The following DNAI7 variants were observed in gnomAD, a reference collection of about 807,000 sequenced individuals.
DNAI7 encodes the protein cancer susceptibility 1.
Under a neutral mutation model 86.6 loss-of-function variants are expected in DNAI7, and 78 were observed. The ratio of observed to expected loss-of-function variants is 0.90; its 90% CI spans 0.75 to 1.09. The LOEUF is 1.09. DNAI7 is among the 50% of genes least tolerant of loss of function. The pLI, the probability that DNAI7 is intolerant of heterozygous loss-of-function variation, is 0.00. For missense variants in DNAI7, 753 were observed against 810.2 expected (o/e 0.93, Z 0.86); for synonymous variants, 274 against 273.0 (o/e 1.00, Z -0.04).
intron 10 of DNAI7, among the ~76,000 whole-genome samples, chr12:25,122,142 GA>G (rs1285497619): frequency 6.6e-6 from 1 of 152,096 alleles, no homozygotes; most frequent in East Asian, 1.9e-4. Context: ...TTTCATCTAT[GA>G]AACCATACAA....
At chr12:25,176,435 A>G (rs1242161008) in intron 2 of DNAI7, among the ~76,000 whole-genome samples, 1 of 152,144 alleles carries the variant, frequency 6.6e-6, no homozygotes, top group Non-Finnish European at 1.5e-5. Context: ...CATAAAAACT[A>G]AAATTTTCCT....
intron 1 of DNAI7, among the ~76,000 whole-genome samples, chr12:25,193,115 C>T (rs1037313805): frequency 4.7e-5 from 7 of 150,276 alleles, no homozygotes; most frequent in African/African-American, 1.7e-4. Flanking sequence ...CACTGCATTG[C>T]AGCCTAGGTG....
intron 2 of DNAI7, among the ~76,000 whole-genome samples, chr12:25,162,261 G>A (rs1183574716): frequency 6.6e-6 from 1 of 152,174 alleles, no homozygotes; most frequent in Non-Finnish European, 1.5e-5. Flanking sequence ...GAGGCAAGGA[G>A]AGGAAAGAGG....
At position 25,117,820 on chromosome 12, in the gene DNAI7, C is replaced by T. The variant is rs999492927; in HGVS notation, c.1396+1325G>A. On this transcript the variant is annotated intron_variant, in intron 12 of 15. Transcript: ENST00000395987. ...CCAATACTTGTGTACAATTTATAAACGATTAACATTAAAGTAATCAAATAC... is the reference window on the plus strand; with the variant it reads ...CCAATACTTGTGTACAATTTATAAATGATTAACATTAAAGTAATCAAATAC... Among the ~76,000 whole-genome samples the T allele has an allele frequency of 4.6e-5, 7 of 151,868 alleles. No homozygotes were observed. In the East Asian group the frequency reaches 9.6e-4, roughly 21 times the overall value.
At chr12:25,135,388 G>A (rs1426619130) in intron 9 of DNAI7, among the ~76,000 whole-genome samples, 1 of 152,168 alleles carries the variant, frequency 6.6e-6, no homozygotes, top group Non-Finnish European at 1.5e-5. Context: ...GCTGCCAGTG[G>A]AATTGGGGAA....
In DNAI7 at chr12:25,144,468, T is replaced by C; in HGVS notation, c.899A>G (p.Lys300Arg). The change falls in exon 9 of 16, where the codon AAG becomes AGG. Residue 300 changes from lysine (K) to arginine (R), a missense_variant. Transcript: ENST00000395987. The part of the protein sequence containing the change: ...DVKNVEKAIS[K>R]EVEEESKQQE... The stretch of plus-strand genomic sequence containing the variant: ...TTGTTTGGACTCTTCTTCGACCTCC[T>C]TGCTGATTGCTTTTTCTACATTCTT... 2 of 1,614,190 alleles carry C rather than the reference T, an allele frequency of 1.2e-6. No individual in the cohort carries two copies. The highest frequency in any genetic ancestry group is 1.7e-6 in the Non-Finnish European group (2 of 1,180,010).
At chr12:25,179,255 C>A (rs1949272694) in intron 2 of DNAI7, among the ~76,000 whole-genome samples, 1 of 152,072 alleles carries the variant, frequency 6.6e-6, no homozygotes, top group Non-Finnish European at 1.5e-5. Context: ...TGTTTTCATG[C>A]ACTGAACTTT....
intron 2 of DNAI7, among the ~76,000 whole-genome samples, chr12:25,177,650 G>C (rs1949097317): frequency 6.6e-6 from 1 of 152,008 alleles, no homozygotes; most frequent in Admixed American, 6.6e-5. Context: ...TCTGCAAGGG[G>C]TTTTCTGTTG....
At position 25,147,111 on chromosome 12, in the gene DNAI7, G is replaced by A. The variant is rs1170033682; in HGVS notation, c.586-7C>T. 2 of 1,475,702 alleles carry A rather than the reference G, an allele frequency of 1.4e-6. No homozygotes were observed. Among genetic ancestry groups the A allele is most frequent in the African/African-American group, 1.4e-5 (1 of 71,692 alleles). The allele number at this position is 1,475,702 out of a possible 1,614,324, so 91.4% of individuals were successfully genotyped here. On this transcript the variant is annotated splice_polypyrimidine_tract_variant and splice_region_variant and intron_variant, in intron 7 of 15. Coordinates refer to ENST00000395987, the MANE Select transcript of DNAI7 (RefSeq NM_018272.5). ...CTGCCAAAGTACTAGCTTGCTGTAA[G>A]AGAAAAAGAAAACATTATAAAGGGC... is the stretch of plus-strand genomic sequence containing the variant.
At chr12:25,122,730 G>A (rs7953861) in intron 10 of DNAI7, among the ~76,000 whole-genome samples, 13,355 of 152,116 alleles carry the variant, frequency 0.088, 1,819 homozygotes, top group African/African-American at 0.29. Context: ...GAAGTGTTGC[G>A]AGATTTTCAG....
At chr12:25,114,182 G>C (rs1034563290) in intron 13 of DNAI7, among the ~76,000 whole-genome samples, 11 of 151,996 alleles carry the variant, frequency 7.2e-5, no homozygotes, top group African/African-American at 1.9e-4. Context: ...TCAGGTGATT[G>C]CCCGCCTTGG....
At chr12:25,113,266 TTTGTTGTTGTTGCTGTTGTTG>T (rs1939329154) in intron 13 of DNAI7, among the ~76,000 whole-genome samples, 2 of 136,672 alleles carry the variant, frequency 1.5e-5, no homozygotes, top group South Asian at 4.9e-4. Context: ...TCTCACCTAG[TTTGTTGTTGTTGCTGTTGTTG>T]TTGTTGTTGT....
intron 11 of DNAI7, among the ~76,000 whole-genome samples, chr12:25,120,673 C>T (rs1391644408): frequency 1.3e-5 from 2 of 152,014 alleles, no homozygotes; most frequent in East Asian, 1.9e-4. Context: ...TGCAGTGAGC[C>T]AAGACAGCGC....
intron 2 of DNAI7, among the ~76,000 whole-genome samples, chr12:25,171,615 A>T (rs1038744702): frequency 2.6e-5 from 4 of 152,212 alleles, no homozygotes; most frequent in Admixed American, 2.6e-4. Context: ...TCCCTAATTC[A>T]TTCTATGAAG....
intron 2 of DNAI7, among the ~76,000 whole-genome samples, chr12:25,171,583 A>C (rs922411970): frequency 6.6e-6 from 1 of 152,188 alleles, no homozygotes; most frequent in Admixed American, 6.5e-5. Flanking sequence ...ACTATTCCAC[A>C]AGATAGAGAA....
intron 1 of DNAI7, among the ~76,000 whole-genome samples, chr12:25,193,349 C>T (rs1950708339): frequency 6.6e-6 from 1 of 151,964 alleles, no homozygotes; most frequent in Non-Finnish European, 1.5e-5. Flanking sequence ...ATGGAGAATG[C>T]CATGTGAAGA....
chr12:25,161,237 C>G, intron 2 of DNAI7, 40 bp from the exon 3 acceptor site: 1 of 1,524,166 alleles, frequency 6.6e-7, no homozygotes, highest in Non-Finnish European at 9.1e-7. Flanking sequence ...TATTAACATG[C>G]AAGTTACTTG....
chr12:25,177,036 G>A (rs929035373), intron 2 of DNAI7, among the ~76,000 whole-genome samples: 1 of 151,026 alleles, frequency 6.6e-6, no homozygotes, highest in Non-Finnish European at 1.5e-5. Context: ...CTGAGTAGCT[G>A]GGATTACAGG....
chr12:25,132,398 A>T (rs1565678404), intron 9 of DNAI7, among the ~76,000 whole-genome samples: 1 of 152,198 alleles, frequency 6.6e-6, no homozygotes, highest in Non-Finnish European at 1.5e-5. Flanking sequence ...AAAAAAATTT[A>T]ACAATACAGC....
Sources: allele counts gnomAD v4.1 joint callset (sites outside exome capture counted in the v4.1 genomes callset), GRCh38; gene constraint gnomAD v4.1.1; transcripts MANE v1.5; gene names NCBI Gene and HGNC (gene_info 2026-07-23, HGNC 2026-07-21).